Variants in GPRC5A observed in about 807,000 individuals in gnomAD.
GPRC5A encodes retinoic acid-induced protein 3.
A neutral mutation model predicts 22.5 loss-of-function variants in GPRC5A; 19 were observed. That is an observed-to-expected ratio of 0.85 (90% CI 0.59 to 1.24). GPRC5A has a LOEUF of 1.24. Among genes scored for constraint, GPRC5A ranks in the 50% most tolerant of loss-of-function variants. GPRC5A has a pLI of 0.00. For missense variants in GPRC5A, 471 were observed against 451.1 expected (o/e 1.04, Z -0.40); for synonymous variants, 192 against 184.5 (o/e 1.04, Z -0.33).
At chr12:12,902,235 G>A (rs1863895427) in intron 1 of GPRC5A, among the ~76,000 whole-genome samples, 1 of 151,936 alleles carries the variant, frequency 6.6e-6, no homozygotes, top group Admixed American at 6.6e-5. Flanking sequence ...TAGACTTGTT[G>A]AGCAATCCCT....
intron 1 of GPRC5A, among the ~76,000 whole-genome samples, chr12:12,903,008 C>T (rs369108321): frequency 2.6e-5 from 4 of 152,002 alleles, no homozygotes; most frequent in East Asian, 1.9e-4. Flanking sequence ...TGGAGGTTGC[C>T]GGGCGCCGAT....
chr12:12,900,891 CAAAAAA>C (rs756416857), intron 1 of GPRC5A, among the ~76,000 whole-genome samples: 4 of 21,660 alleles, frequency 1.8e-4, no homozygotes, highest in South Asian at 4.2e-3. Flanking sequence ...AACTCCGTCT[CAAAAAA>C]AAAAAAAAAA....
intron 1 of GPRC5A, among the ~76,000 whole-genome samples, chr12:12,893,488 T>C (rs1214803443): frequency 6.6e-6 from 1 of 152,210 alleles, no homozygotes; most frequent in Non-Finnish European, 1.5e-5. Context: ...ACTTCCTGAG[T>C]AGTTCAGGGT....
Position 12,912,075 on chromosome 12 carries a change from CCATTT to C in GPRC5A, c.923-6_923-2del. 6.2e-7 allele frequency: 1 copy of C among 1,605,584 alleles called. No homozygotes were observed. Among genetic ancestry groups the C allele is most frequent in the Non-Finnish European group, 8.5e-7 (1 of 1,172,386 alleles). ...CAGTGGTTTAATTTCTCCTGTTCCT[CCATTT>C]CAGGTTTTGAAGAGACAGGGGACAC... On this transcript the variant is annotated splice_region_variant and splice_polypyrimidine_tract_variant and intron_variant, in intron 2 of 3. Transcript: ENST00000014914.
chr12:12,901,228 G>A (rs1173791440), intron 1 of GPRC5A, among the ~76,000 whole-genome samples: 4 of 152,158 alleles, frequency 2.6e-5, no homozygotes, highest in African/African-American at 9.7e-5. Flanking sequence ...TGGAGCACAT[G>A]ACTGGATCCC....
intron 1 of GPRC5A, among the ~76,000 whole-genome samples, chr12:12,902,297 T>C (rs1863897051): frequency 6.6e-6 from 1 of 151,678 alleles, no homozygotes; most frequent in Non-Finnish European, 1.5e-5. Flanking sequence ...TTAAGAATGA[T>C]AATTCCAAAC....
intron 1 of GPRC5A, among the ~76,000 whole-genome samples, chr12:12,899,153 G>A (rs1299988283): frequency 6.6e-6 from 1 of 152,018 alleles, no homozygotes; most frequent in Non-Finnish European, 1.5e-5. Flanking sequence ...TTCACCCTCC[G>A]AGTAGGGGGA....
At chr12:12,911,085 C>T (rs1863999011) in intron 2 of GPRC5A, among the ~76,000 whole-genome samples, 1 of 152,060 alleles carries the variant, frequency 6.6e-6, no homozygotes, top group African/African-American at 2.4e-5. Flanking sequence ...CTTGGCCAGG[C>T]TGGTCTCGAA....
At chr12:12,893,815 G>A (rs913225046) in intron 1 of GPRC5A, among the ~76,000 whole-genome samples, 1 of 152,080 alleles carries the variant, frequency 6.6e-6, no homozygotes, top group Non-Finnish European at 1.5e-5. Flanking sequence ...GCGCAGTGAC[G>A]TGATCTCGGC....
rs1864029517 is a variant in GPRC5A at position 12,913,518 on chromosome 12, A to T, written c.*979A>T. 1 of 152,140 alleles carries T rather than the reference A, an allele frequency of 6.6e-6. No individual in the cohort carries two copies. Among genetic ancestry groups the T allele is most frequent in the South Asian group, 2.1e-4 (1 of 4,828 alleles). The allele number at this position is 152,140 out of a possible 1,614,324, so 9.4% of individuals were successfully genotyped here. ...CTCATCTTGCACCCCAACCTCTGTA[A>T]ATAGATTTACCGCATTTACGGCTGC... On this transcript the variant is annotated 3_prime_UTR_variant, in exon 4 of 4. Coordinates refer to ENST00000014914, the MANE Select transcript of GPRC5A (RefSeq NM_003979.4).
intron 1 of GPRC5A, among the ~76,000 whole-genome samples, chr12:12,895,620 A>C (rs373253434): frequency 2.0e-5 from 3 of 151,746 alleles, no homozygotes; most frequent in Non-Finnish European, 1.5e-5. Context: ...GATCCAGTGA[A>C]TATTACCCTT....
Position 12,907,124 on chromosome 12 carries a change from C to T in GPRC5A, c.-7-1119C>T, listed in dbSNP as rs559584403. Among the ~76,000 whole-genome samples the T allele has an allele frequency of 3.3e-5, 5 of 151,538 alleles. No individual in the cohort carries two copies. In the South Asian group the frequency reaches 1.0e-3, roughly 32 times the overall value. ...GGCAGAATAATTCTGAACCACAGAG[C>T]CTAAGAAGAGGACCCAGCCGCTGGC... is the stretch of plus-strand genomic sequence containing the variant. On this transcript the variant is annotated intron_variant, in intron 1 of 3. Coordinates refer to ENST00000014914, the MANE Select transcript of GPRC5A (RefSeq NM_003979.4).
intron 1 of GPRC5A, among the ~76,000 whole-genome samples, chr12:12,901,088 G>C (rs1863882473): frequency 6.6e-6 from 1 of 152,054 alleles, no homozygotes; most frequent in African/African-American, 2.4e-5. Context: ...ATTGTTAGCA[G>C]CTGGAATAAG....
intron 2 of GPRC5A, among the ~76,000 whole-genome samples, chr12:12,910,629 G>C (rs1863993807): frequency 6.6e-6 from 1 of 152,138 alleles, no homozygotes; most frequent in South Asian, 2.1e-4. Context: ...CTGTGCTCCA[G>C]GTGTGTCTGT....
intron 1 of GPRC5A, among the ~76,000 whole-genome samples, chr12:12,897,749 C>T (rs180907853): frequency 5.3e-5 from 8 of 151,802 alleles, no homozygotes; most frequent in Non-Finnish European, 1.0e-4. Flanking sequence ...GCTGGGACTA[C>T]AGGCGTGAGC....
intron 1 of GPRC5A, among the ~76,000 whole-genome samples, chr12:12,905,271 C>T (rs544435932): frequency 4.9e-4 from 74 of 152,270 alleles, no homozygotes; most frequent in Non-Finnish European, 8.8e-4. Context: ...GCTTCCCAAC[C>T]CGAGTCCTTC....
chr12:12,912,425 G>C (rs374416417), intron 3 of GPRC5A, 22 bp from the exon 4 acceptor site: 1 of 1,505,342 alleles, frequency 6.6e-7, no homozygotes, highest in Middle Eastern at 1.7e-4. Flanking sequence ...TGGGTTTCAC[G>C]ATATGACTGT....
rs56223105 is a variant in GPRC5A, at chr12:12,898,382, A to G, written c.-8+6718A>G. ...GACCCCACCTCTACAAAAAATACAA[A>G]AAGTAGCTAGATGTGGTGGTGCGCA... On this transcript the variant is annotated intron_variant, in intron 1 of 3. Transcript: ENST00000014914. Among the ~76,000 whole-genome samples the G allele has an allele frequency of 4.5e-3, 691 of 152,206 alleles. 5 individuals are homozygous for G. Among genetic ancestry groups the G allele is most frequent in the Non-Finnish European group, 7.7e-3 (525 of 68,010 alleles).
chr12:12,896,564 C>T (rs1169166040), intron 1 of GPRC5A, among the ~76,000 whole-genome samples: 1 of 152,188 alleles, frequency 6.6e-6, no homozygotes. Context: ...ACATATTCAT[C>T]TCCAAAAAAT....
Sources: gnomAD v4.1 joint callset for allele counts (sites outside exome capture counted in the v4.1 genomes callset) on GRCh38, gnomAD v4.1.1 for gene constraint, MANE v1.5 for transcripts, NCBI Gene and HGNC (gene_info 2026-07-23, HGNC 2026-07-21) for gene names.